FEZ2: variants seen among roughly 807,000 people sequenced by gnomAD.
The protein encoded by FEZ2 is fasciculation and elongation protein zeta-2.
Under a neutral mutation model 40.4 loss-of-function variants are expected in FEZ2, and 51 were observed. That is an observed-to-expected ratio of 1.26 (90% confidence interval 1.01 to 1.59). The LOEUF (loss-of-function observed/expected upper bound fraction) is 1.59, where lower values mean the gene tolerates loss of function less well. FEZ2 is among the 40% of genes most tolerant of loss of function. The probability of loss-of-function intolerance (pLI) is 0.00; values close to 1 mark genes in which losing one functional copy is unlikely to be tolerated. For missense variants in FEZ2, 640 were observed against 438.3 expected (o/e 1.46, Z -4.11); for synonymous variants, 242 against 172.0 (o/e 1.41, Z -3.18).
chr2:36,586,914 C>G (rs1195506304), intron 2 of FEZ2, among the ~76,000 whole-genome samples: 3 of 152,218 alleles, frequency 2.0e-5, no homozygotes, highest in Non-Finnish European at 4.4e-5. Context: ...CCACTGTACT[C>G]CAGCCTGGGC....
rs1025372662 is a variant in FEZ2, at chr2:36,552,280, T to C, written c.*883A>G. On this transcript the variant is annotated 3_prime_UTR_variant, in exon 8 of 8. Coordinates refer to ENST00000405912, the MANE Select transcript of FEZ2 (RefSeq NM_005102.3). ...GTATTTTTACTTCTTAAAAAATTTA[T>C]TAAATGCCATTGATTTGACTGGAAC... The C allele has an allele frequency of 1.6e-5, 7 of 445,276 alleles. No homozygotes were observed. The highest frequency in any genetic ancestry group is 1.2e-4 in the South Asian group (7 of 60,180). The allele number at this position is 445,276 out of a possible 1,614,324, so 27.6% of individuals were successfully genotyped here. A position where few individuals can be genotyped will look rare whatever the true frequency, so the allele number is the denominator to read the frequency against.
rs1386335536 is a variant in FEZ2 at position 36,597,926 on chromosome 2, T to A, written c.217A>T (p.Arg73Trp). Residue 73 changes from arginine to tryptophan, a missense_variant, in exon 1 of 8, where the codon AGG becomes TGG. Coordinates refer to ENST00000405912, the MANE Select transcript of FEZ2 (RefSeq NM_005102.3). ...RPSDPGAEPP[R>W]TAVRPITERS... ...TCCGTGATGGGCCGCACGGCCGTCC[T>A]CGGGGGCTCGGCGCCCGGATCCGAG... 2.8e-6 allele frequency: 4 copies of A among 1,434,712 alleles called. No homozygotes were observed. Among genetic ancestry groups the A allele is most frequent in the Non-Finnish European group, 3.6e-6 (4 of 1,101,226 alleles). The allele number at this position is 1,434,712 out of a possible 1,614,324, so 88.9% of individuals were successfully genotyped here.
chr2:36,556,236 C>A, intron 6 of FEZ2: 1 of 234,282 alleles, frequency 4.3e-6, no homozygotes, highest in Non-Finnish European at 9.0e-6. Context: ...AAAGAAAAGA[C>A]CCAAATGAAG....
chr2:36,588,854 G>T (rs1668984706), intron 2 of FEZ2, among the ~76,000 whole-genome samples: 1 of 151,698 alleles, frequency 6.6e-6, no homozygotes, highest in Admixed American at 6.6e-5. Context: ...TGGGCCCGCT[G>T]TACATTTAGT....
At chr2:36,588,726 C>T (rs1283418595) in intron 2 of FEZ2, among the ~76,000 whole-genome samples, 7 of 149,940 alleles carry the variant, frequency 4.7e-5, no homozygotes, top group Non-Finnish European at 8.9e-5. Flanking sequence ...TATCGGTTTT[C>T]GGTTTTTTAT....
At chr2:36,577,206 TTAAAAA>T (rs1410762703) in intron 5 of FEZ2, among the ~76,000 whole-genome samples, 1 of 152,150 alleles carries the variant, frequency 6.6e-6, no homozygotes, top group Non-Finnish European at 1.5e-5. Context: ...CTGCCATTTC[TTAAAAA>T]TAATAGATAC....
rs886613099 is a variant in FEZ2 at position 36,572,496 on chromosome 2, T to C, written c.903+6101A>G. ...GTCTAAATCAGAGATTGGCAAACTT[T>C]TTCTGTCAAGAGCCAGGCATTAATT... On this transcript the variant is annotated intron_variant, in intron 5 of 7. Coordinates refer to ENST00000405912, the MANE Select transcript of FEZ2 (RefSeq NM_005102.3). Among the ~76,000 whole-genome samples, 4 of 152,232 alleles carry C rather than the reference T, an allele frequency of 2.6e-5. No individual in the cohort carries two copies. The East Asian group carries it at 7.7e-4, about 29-fold the overall frequency.
intron 5 of FEZ2, among the ~76,000 whole-genome samples, chr2:36,566,204 G>A (rs1249793264): frequency 6.6e-6 from 1 of 152,154 alleles, no homozygotes; most frequent in Non-Finnish European, 1.5e-5. Flanking sequence ...GCCAGGCACG[G>A]TGGCGGGCAC....
At chr2:36,571,552 G>C (rs1261259545) in intron 5 of FEZ2, among the ~76,000 whole-genome samples, 1 of 152,048 alleles carries the variant, frequency 6.6e-6, no homozygotes, top group East Asian at 1.9e-4. Flanking sequence ...CTACTCAGGA[G>C]GCTGAGGCAG....
intron 1 of FEZ2, among the ~76,000 whole-genome samples, chr2:36,596,683 G>T (rs1669234350): frequency 6.6e-6 from 1 of 151,986 alleles, no homozygotes; most frequent in Admixed American, 6.6e-5. Flanking sequence ...GCCCAGTCTG[G>T]TCTCGAACTG....
intron 5 of FEZ2, among the ~76,000 whole-genome samples, chr2:36,565,442 CTCT>C (rs1668209284): frequency 6.6e-6 from 1 of 152,178 alleles, no homozygotes; most frequent in Non-Finnish European, 1.5e-5. Context: ...TTTCCATAGC[CTCT>C]TCTTGAGTTT....
Position 36,591,173 on chromosome 2 carries a change from C to CTT in FEZ2, c.267-163_267-162insAA, listed in dbSNP as rs1196810934. ...CATCAACAAAGTAGAGTCTCCTAAA[C>CTT]AAAAACGAGGTGAAAAATCACATAA... On this transcript the variant is annotated intron_variant, in intron 1 of 7. Coordinates refer to ENST00000405912, the MANE Select transcript of FEZ2 (RefSeq NM_005102.3). 448 of 605,930 alleles carry CTT rather than the reference C, an allele frequency of 7.4e-4. 1 individual carries two copies. Among genetic ancestry groups the CTT allele is most frequent in the Admixed American group, 6.8e-4 (23 of 33,720 alleles). 37.5% of individuals were successfully genotyped at this position (605,930 alleles called of 1,614,324 possible).
At chr2:36,577,032 A>T (rs1004685266) in intron 5 of FEZ2, among the ~76,000 whole-genome samples, 1 of 152,242 alleles carries the variant, frequency 6.6e-6, no homozygotes, top group African/African-American at 2.4e-5. Flanking sequence ...GGGCAATTTA[A>T]AGGGTGCCAG....
chr2:36,571,672 G>C (rs918969986), intron 5 of FEZ2, among the ~76,000 whole-genome samples: 2 of 151,376 alleles, frequency 1.3e-5, no homozygotes, highest in African/African-American at 2.4e-5. Context: ...AAGAATGTAT[G>C]TCAGGTAGAA....
At chr2:36,558,647 G>A (rs1165905659) in intron 5 of FEZ2, 134 bp from the exon 6 acceptor site, 1 of 481,722 alleles carries the variant, frequency 2.1e-6, no homozygotes, top group Non-Finnish European at 3.6e-6. Flanking sequence ...CACAGGTATT[G>A]TATGGGAATA....
intron 2 of FEZ2, among the ~76,000 whole-genome samples, chr2:36,586,567 C>T (rs918021657): frequency 2.0e-5 from 3 of 150,518 alleles, no homozygotes; most frequent in Admixed American, 6.6e-5. Flanking sequence ...GTGGAGGTTG[C>T]AGTGAGCCAA....
At chr2:36,561,247 C>T (rs151132907) in intron 5 of FEZ2, 1 of 158,338 alleles carries the variant, frequency 6.3e-6, no homozygotes, top group East Asian at 1.8e-4. Flanking sequence ...TTAAGATGAA[C>T]AGTATGCGTA....
intron 6 of FEZ2, chr2:36,555,957 G>C (rs753719438): frequency 1.5e-6 from 1 of 667,160 alleles, no homozygotes; most frequent in African/African-American, 1.8e-5. Flanking sequence ...ATTTATTTTC[G>C]GTAAGAATAT....
intron 5 of FEZ2, chr2:36,558,918 T>A (rs1668024660): frequency 6.5e-6 from 1 of 153,008 alleles, no homozygotes; most frequent in African/African-American, 2.4e-5. Context: ...TTCTGCACAA[T>A]AAAGTAATTT....
Sources: gnomAD v4.1 joint callset for allele counts (sites outside exome capture counted in the v4.1 genomes callset) on GRCh38, gnomAD v4.1.1 for gene constraint, MANE v1.5 for transcripts, NCBI Gene and HGNC (gene_info 2026-07-23, HGNC 2026-07-21) for gene names.